Variants in UBE2R2 observed in about 807,000 individuals in gnomAD.
UBE2R2 encodes ubiquitin-conjugating enzyme E2 R2.
Under a neutral mutation model 27.8 loss-of-function variants are expected in UBE2R2, and 1 was observed. The observed-to-expected ratio is 0.04, with a 90% CI of 0.01 to 0.17. The LOEUF is 0.17. Among genes scored for constraint, UBE2R2 ranks in the 10% least tolerant of loss-of-function variants. The pLI is 1.00. For synonymous variants in UBE2R2, 106 were observed against 113.3 expected (o/e 0.94, Z 0.41); for missense variants, 100 against 291.0 (o/e 0.34, Z 4.78).
intron 1 of UBE2R2, among the ~76,000 whole-genome samples, chr9:33,833,560 G>A (rs1435786127): frequency 6.6e-6 from 1 of 152,290 alleles, no homozygotes; most frequent in East Asian, 1.9e-4. Flanking sequence ...AGTAATGGAA[G>A]ATTATATGAA....
At chr9:33,909,338 T>A (rs927415059) in intron 3 of UBE2R2, among the ~76,000 whole-genome samples, 2 of 151,616 alleles carry the variant, frequency 1.3e-5, no homozygotes, top group Non-Finnish European at 2.9e-5. Flanking sequence ...TACAAAAAAA[T>A]TTGGCCAACT....
chr9:33,894,272 T>G (rs1822050569), intron 2 of UBE2R2, among the ~76,000 whole-genome samples: 1 of 151,906 alleles, frequency 6.6e-6, no homozygotes, highest in Non-Finnish European at 1.5e-5. Context: ...ATCTCTATAT[T>G]TAAAAAAAAA....
intron 1 of UBE2R2, among the ~76,000 whole-genome samples, chr9:33,837,948 A>G (rs531903705): frequency 6.6e-6 from 1 of 152,270 alleles, no homozygotes; most frequent in East Asian, 1.9e-4. Context: ...GTAAATATAT[A>G]TAGCTTATAT....
intron 1 of UBE2R2, among the ~76,000 whole-genome samples, chr9:33,865,301 G>T (rs1821336656): frequency 6.6e-6 from 1 of 151,978 alleles, no homozygotes; most frequent in African/African-American, 2.4e-5. Context: ...CACCTCCTGG[G>T]TTCAGCGATT....
intron 1 of UBE2R2, among the ~76,000 whole-genome samples, chr9:33,849,644 G>A: frequency 6.6e-6 from 1 of 151,298 alleles, no homozygotes; most frequent in African/African-American, 2.4e-5. Flanking sequence ...TTGAGCTCAG[G>A]AGTTCAAGAC....
At chr9:33,839,832 C>T (rs571674667) in intron 1 of UBE2R2, among the ~76,000 whole-genome samples, 23 of 151,894 alleles carry the variant, frequency 1.5e-4, no homozygotes, top group Non-Finnish European at 2.9e-4. Context: ...TCTGTCTCTA[C>T]AAAAAAATCT....
chr9:33,882,376 GC>G (rs1183602822), intron 1 of UBE2R2, among the ~76,000 whole-genome samples: 3 of 151,994 alleles, frequency 2.0e-5, no homozygotes, highest in Non-Finnish European at 4.4e-5. Context: ...AACCTCTCCT[GC>G]CCGGGTTCAA....
rs948267647 is a variant in UBE2R2, at chr9:33,919,498, G to A, written c.*2261G>A. 2.6e-5 allele frequency: 4 copies of A among 152,258 alleles called. No homozygotes were observed. The highest frequency in any genetic ancestry group is 1.5e-5 in the Non-Finnish European group (1 of 68,086). The allele number at this position is 152,258 out of a possible 1,614,324, so 9.4% of individuals were successfully genotyped here. On this transcript the variant is annotated 3_prime_UTR_variant, in exon 5 of 5. Coordinates refer to ENST00000263228, the MANE Select transcript of UBE2R2 (RefSeq NM_017811.4). ...GGCCTCTGTTAGACATTGACTCAGGGAGCCGGAGCGCCAAGTGGAGGTTGT... is the reference window on the plus strand; with the variant it reads ...GGCCTCTGTTAGACATTGACTCAGGAAGCCGGAGCGCCAAGTGGAGGTTGT...
In UBE2R2 at chr9:33,838,131, C is replaced by T. The variant is rs570847173; in HGVS notation, c.177+20197C>T. 4.6e-5 allele frequency among the ~76,000 whole-genome samples: 7 copies of T among 151,522 alleles called. No homozygotes were observed. In the East Asian group the frequency reaches 1.4e-3, roughly 30 times the overall value. On this transcript the variant is annotated intron_variant, in intron 1 of 4. Transcript: ENST00000263228. ...ATATAGTATTTACATTTAACCTGTG[C>T]ACATTCTCCCATATGCTTTATTTTT...
chr9:33,910,955 T>A (rs113222299), intron 3 of UBE2R2, among the ~76,000 whole-genome samples: 9,190 of 151,824 alleles, frequency 0.061, 634 homozygotes, highest in African/African-American at 0.17. Flanking sequence ...ATACAAAAAT[T>A]AGCCAGGCGT....
At chr9:33,907,697 G>C (rs1465545493) in intron 3 of UBE2R2, among the ~76,000 whole-genome samples, 1 of 151,660 alleles carries the variant, frequency 6.6e-6, no homozygotes, top group African/African-American at 2.4e-5. Context: ...GGGCCCTCAG[G>C]GTCTATTTTG....
chr9:33,869,283 A>AT (rs895076803), intron 1 of UBE2R2, among the ~76,000 whole-genome samples: 3 of 151,922 alleles, frequency 2.0e-5, no homozygotes, highest in African/African-American at 7.2e-5. Context: ...AAAACATGTA[A>AT]TTTTTTTTGT....
At chr9:33,868,435 T>A (rs1480977478) in intron 1 of UBE2R2, 4 of 152,198 alleles carry the variant, frequency 2.6e-5, no homozygotes, top group Non-Finnish European at 5.9e-5. Flanking sequence ...GATGTGTGTG[T>A]GTACACACAC....
chr9:33,836,394 AT>A (rs927907786), intron 1 of UBE2R2, among the ~76,000 whole-genome samples: 4 of 152,204 alleles, frequency 2.6e-5, no homozygotes, highest in African/African-American at 4.8e-5. Flanking sequence ...TATTCCTGTC[AT>A]TAGGCAACAT....
At chr9:33,852,499 G>A (rs1336084371) in intron 1 of UBE2R2, among the ~76,000 whole-genome samples, 3 of 152,130 alleles carry the variant, frequency 2.0e-5, no homozygotes, top group Non-Finnish European at 4.4e-5. Context: ...AGCAATTTCA[G>A]GTATGGTTAG....
chr9:33,861,209 C>G (rs1045926310), intron 1 of UBE2R2, among the ~76,000 whole-genome samples: 1 of 150,686 alleles, frequency 6.6e-6, no homozygotes. Flanking sequence ...ATCCGCCCGC[C>G]TCGGCCTCCC....
At chr9:33,890,318 G>A (rs1337612749) in intron 2 of UBE2R2, among the ~76,000 whole-genome samples, 1 of 152,174 alleles carries the variant, frequency 6.6e-6, no homozygotes, top group Non-Finnish European at 1.5e-5. Context: ...GGGCGCAGTG[G>A]CTCACCCTAT....
chr9:33,827,770 A>G (rs1820347680), intron 1 of UBE2R2, among the ~76,000 whole-genome samples: 1 of 152,080 alleles, frequency 6.6e-6, no homozygotes, highest in Non-Finnish European at 1.5e-5. Flanking sequence ...CAGGAGTTCA[A>G]GACCAGCCTG....
intron 2 of UBE2R2, among the ~76,000 whole-genome samples, chr9:33,890,877 A>G (rs1821964917): frequency 1.3e-5 from 2 of 152,290 alleles, no homozygotes; most frequent in African/African-American, 2.4e-5. Flanking sequence ...ATGTTGTCAA[A>G]GGAATCATAA....
Sources: allele counts gnomAD v4.1 joint callset (sites outside exome capture counted in the v4.1 genomes callset), GRCh38; gene constraint gnomAD v4.1.1; transcripts MANE v1.5; gene names NCBI Gene and HGNC (gene_info 2026-07-23, HGNC 2026-07-21).